CLSTN2: variants seen among roughly 807,000 people sequenced by gnomAD.
CLSTN2 encodes calsyntenin-2.
In CLSTN2, 48 loss-of-function variants were observed where a neutral mutation model predicts 101.2. That is an observed-to-expected ratio of 0.47 (90% CI 0.38 to 0.60). The LOEUF is 0.60. Among genes scored for constraint, CLSTN2 ranks in the 20% least tolerant of loss-of-function variants. CLSTN2 has a pLI of 0.00. For synonymous variants in CLSTN2, 481 were observed against 463.6 expected (o/e 1.04, Z -0.48); for missense variants, 1,160 against 1,238.2 (o/e 0.94, Z 0.95).
At chr3:139,945,514 G>A (rs1470482747) in intron 1 of CLSTN2, among the ~76,000 whole-genome samples, 4 of 152,136 alleles carry the variant, frequency 2.6e-5, no homozygotes, top group Non-Finnish European at 5.9e-5. Flanking sequence ...ATATTTTCAG[G>A]AGAAGTTTGA....
At position 140,029,951 on chromosome 3, in the gene CLSTN2, TACTTCA is replaced by T. The variant is rs2007512224; in HGVS notation, c.109+94469_109+94474del. On this transcript the variant is annotated intron_variant, in intron 1 of 16. Coordinates refer to ENST00000458420, the MANE Select transcript of CLSTN2 (RefSeq NM_022131.3). ...ATGCCCTATAGAGGCCCCAGAGTTT[TACTTCA>T]GAGAAGGTAAAGCTATTTTCAAGAG... Among the ~76,000 whole-genome samples the T allele has an allele frequency of 2.6e-5, 4 of 152,224 alleles. No homozygotes were observed. The South Asian group carries it at 8.3e-4, about 31-fold the overall frequency.
At chr3:140,275,386 C>G (rs1202579161) in intron 2 of CLSTN2, among the ~76,000 whole-genome samples, 2 of 152,010 alleles carry the variant, frequency 1.3e-5, no homozygotes, top group Non-Finnish European at 2.9e-5. Context: ...GATCCTCCTG[C>G]CTTCCTGCCT....
intron 2 of CLSTN2, among the ~76,000 whole-genome samples, chr3:140,327,077 T>TA: frequency 1.3e-5 from 2 of 152,274 alleles, no homozygotes; most frequent in South Asian, 4.1e-4. Flanking sequence ...TCAGTATCAT[T>TA]AAAACAATGC....
intron 2 of CLSTN2, among the ~76,000 whole-genome samples, chr3:140,265,703 T>G (rs1422924407): frequency 1.3e-5 from 2 of 152,148 alleles, no homozygotes; most frequent in Non-Finnish European, 2.9e-5. Flanking sequence ...TTGAGTTTTC[T>G]TAGGTAAGGG....
chr3:140,500,689 G>C (rs1369494626), intron 8 of CLSTN2, among the ~76,000 whole-genome samples: 1 of 152,130 alleles, frequency 6.6e-6, no homozygotes, highest in Non-Finnish European at 1.5e-5. Context: ...CTCATAAGCT[G>C]CCTCTGATAA....
intron 2 of CLSTN2, among the ~76,000 whole-genome samples, chr3:140,348,801 A>G (rs966984424): frequency 6.6e-6 from 1 of 152,118 alleles, no homozygotes; most frequent in Non-Finnish European, 1.5e-5. Flanking sequence ...CGAAGGTTCC[A>G]CTGTGTCAAA....
chr3:140,545,297 G>A (rs1935564637), intron 9 of CLSTN2, among the ~76,000 whole-genome samples: 1 of 152,176 alleles, frequency 6.6e-6, no homozygotes, highest in African/African-American at 2.4e-5. Context: ...TCCCACTGGA[G>A]CACACACTGT....
chr3:140,091,111 C>T (rs564306369), intron 1 of CLSTN2, among the ~76,000 whole-genome samples: 10 of 152,192 alleles, frequency 6.6e-5, no homozygotes, highest in East Asian at 1.9e-4. Flanking sequence ...TTATTTTAAA[C>T]GTGGGATAAT....
intron 2 of CLSTN2, among the ~76,000 whole-genome samples, chr3:140,335,934 C>A (rs1481407685): frequency 1.3e-5 from 2 of 152,194 alleles, no homozygotes; most frequent in East Asian, 3.9e-4. Context: ...TGTTAGGATC[C>A]CTCCCGTCCC....
At chr3:139,969,381 T>G (rs1378490814) in intron 1 of CLSTN2, among the ~76,000 whole-genome samples, 32 of 152,216 alleles carry the variant, frequency 2.1e-4, no homozygotes, top group East Asian at 1.9e-4. Context: ...CCTATACCAG[T>G]TAATCTGACC....
At chr3:139,988,926 C>T (rs1272776988) in intron 1 of CLSTN2, among the ~76,000 whole-genome samples, 1 of 152,174 alleles carries the variant, frequency 6.6e-6, no homozygotes, top group Non-Finnish European at 1.5e-5. Flanking sequence ...AGCCGAAGGA[C>T]AGAGTGTGAT....
chr3:140,000,172 A>G (rs538562829), intron 1 of CLSTN2, among the ~76,000 whole-genome samples: 1 of 152,144 alleles, frequency 6.6e-6, no homozygotes, highest in Non-Finnish European at 1.5e-5. Flanking sequence ...TGAATCTCAG[A>G]GGCTACAGTT....
chr3:140,153,193 G>A (rs1027412920), intron 1 of CLSTN2, among the ~76,000 whole-genome samples: 14 of 152,230 alleles, frequency 9.2e-5, no homozygotes, highest in African/African-American at 3.1e-4. Flanking sequence ...TCCCTTGTGA[G>A]TTCTATAGCT....
chr3:140,236,437 A>C (rs2086417160), intron 2 of CLSTN2, among the ~76,000 whole-genome samples: 1 of 152,118 alleles, frequency 6.6e-6, no homozygotes, highest in Non-Finnish European at 1.5e-5. Flanking sequence ...GTTTTCAGCA[A>C]GTTGATTTTG....
intron 2 of CLSTN2, among the ~76,000 whole-genome samples, chr3:140,226,125 C>G (rs2086317814): frequency 6.6e-6 from 1 of 152,120 alleles, no homozygotes; most frequent in African/African-American, 2.4e-5. Context: ...ATCCCAAAAG[C>G]CTACATACAT....
At chr3:140,502,672 T>G (rs1413487778) in intron 8 of CLSTN2, among the ~76,000 whole-genome samples, 1 of 151,764 alleles carries the variant, frequency 6.6e-6, no homozygotes, top group Admixed American at 6.6e-5. Context: ...TGCAGTGGAG[T>G]GTGGAGCTGG....
At chr3:140,533,623 A>G (rs1371713742) in intron 9 of CLSTN2, among the ~76,000 whole-genome samples, 1 of 150,068 alleles carries the variant, frequency 6.7e-6, no homozygotes, top group African/African-American at 2.5e-5. Context: ...AGGCAGGAGA[A>G]TGGCATGAAC....
In CLSTN2 at chr3:140,403,126, C is replaced by T. The variant is rs116390033; in HGVS notation, c.233-503C>T. Among the ~76,000 whole-genome samples, 669 of 152,246 alleles carry T rather than the reference C, an allele frequency of 4.4e-3. 6 individuals are homozygous for T. The highest frequency in any genetic ancestry group is 0.015 in the African/African-American group (637 of 41,518). On this transcript the variant is annotated intron_variant, in intron 2 of 16. Transcript: ENST00000458420. ...TTAACGCAGCTGAAGGAGAGAAATG[C>T]ATTAATTTCACAACATGTTCAGCTC...
chr3:140,110,713 G>A (rs2107794396), intron 1 of CLSTN2, among the ~76,000 whole-genome samples: 1 of 151,318 alleles, frequency 6.6e-6, no homozygotes, highest in Admixed American at 6.6e-5. Flanking sequence ...CACAGGTAGG[G>A]AAGGGCTTGC....
Sources: gnomAD v4.1 joint callset for allele counts (sites outside exome capture counted in the v4.1 genomes callset) on GRCh38, gnomAD v4.1.1 for gene constraint, MANE v1.5 for transcripts, NCBI Gene and HGNC (gene_info 2026-07-23, HGNC 2026-07-21) for gene names.